The following CNTN1 variants were observed in gnomAD, a reference collection of about 807,000 sequenced individuals.
The protein encoded by CNTN1 is contactin-1.
Under a neutral mutation model 126.4 loss-of-function variants are expected in CNTN1, and 38 were observed. That is an observed-to-expected ratio of 0.30 (90% CI 0.23 to 0.39). The LOEUF (loss-of-function observed/expected upper bound fraction) is 0.39. Ranked by LOEUF, CNTN1 falls within the 10% of genes least tolerant of loss-of-function variation. The probability of loss-of-function intolerance (pLI) is 1.00; values close to 1 mark genes in which losing one functional copy is unlikely to be tolerated. For missense variants in CNTN1, 1,009 were observed against 1,248.4 expected (o/e 0.81, Z 2.89); for synonymous variants, 413 against 422.6 (o/e 0.98, Z 0.28).
intron 1 of CNTN1, among the ~76,000 whole-genome samples, chr12:40,839,636 A>G (rs1358633990): frequency 6.6e-6 from 1 of 152,188 alleles, no homozygotes; most frequent in Non-Finnish European, 1.5e-5. Context: ...TCAGTGCTGA[A>G]AAAATGTCAG....
chr12:40,878,633 G>A (rs1943761352), intron 1 of CNTN1, among the ~76,000 whole-genome samples: 2 of 152,158 alleles, frequency 1.3e-5, no homozygotes, highest in African/African-American at 2.4e-5. Context: ...TACTGAACTA[G>A]TAGCTGCAAA....
At chr12:40,694,055 CAAAT>C (rs1311720567) in intron 1 of CNTN1, among the ~76,000 whole-genome samples, 3 of 152,106 alleles carry the variant, frequency 2.0e-5, no homozygotes, top group African/African-American at 7.2e-5. Flanking sequence ...TAACGCAAAT[CAAAT>C]TAATACATGC....
chr12:40,996,995 A>G (rs11179369), intron 17 of CNTN1, among the ~76,000 whole-genome samples: 15,602 of 152,260 alleles, frequency 0.1, 914 homozygotes, highest in Non-Finnish European at 0.13. Flanking sequence ...ATTGAAAGAC[A>G]TGACATTATC....
chr12:40,806,530 A>G (rs1364853264), intron 1 of CNTN1, among the ~76,000 whole-genome samples: 1 of 152,130 alleles, frequency 6.6e-6, no homozygotes, highest in Non-Finnish European at 1.5e-5. Context: ...ACAGTTCCCA[A>G]TCATTTCCCA....
chr12:40,713,051 A>G (rs1483661945), intron 1 of CNTN1, among the ~76,000 whole-genome samples: 5 of 152,214 alleles, frequency 3.3e-5, no homozygotes, highest in Middle Eastern at 3.4e-3. Context: ...GTAATGTATA[A>G]AGAAAAGAGG....
At chr12:40,975,643 G>C (rs530664877) in intron 15 of CNTN1, among the ~76,000 whole-genome samples, 3 of 152,194 alleles carry the variant, frequency 2.0e-5, no homozygotes, top group African/African-American at 7.2e-5. Flanking sequence ...AATATAATGG[G>C]TGCAAAACAA....
intron 19 of CNTN1, 109 bp from the exon 20 acceptor site, chr12:41,020,228 C>A: frequency 1.1e-5 from 7 of 654,368 alleles, no homozygotes; most frequent in African/African-American, 1.8e-5. Flanking sequence ...ATTTTAGAAA[C>A]ATTAAAATTA....
intron 1 of CNTN1, among the ~76,000 whole-genome samples, chr12:40,901,292 G>A (rs1427312570): frequency 6.6e-6 from 1 of 152,220 alleles, no homozygotes; most frequent in East Asian, 1.9e-4. Flanking sequence ...TCATAAAAAG[G>A]ATTTTTTATA....
intron 16 of CNTN1, among the ~76,000 whole-genome samples, chr12:40,988,497 A>G (rs1948021173): frequency 6.6e-6 from 1 of 152,124 alleles, no homozygotes; most frequent in Non-Finnish European, 1.5e-5. Context: ...CAAACAATTA[A>G]TCAGTGTGCT....
At chr12:40,748,764 A>G (rs1938282019) in intron 1 of CNTN1, among the ~76,000 whole-genome samples, 1 of 152,064 alleles carries the variant, frequency 6.6e-6, no homozygotes, top group Non-Finnish European at 1.5e-5. Flanking sequence ...TTAATTAATG[A>G]TTTGTCTATG....
intron 16 of CNTN1, among the ~76,000 whole-genome samples, chr12:40,984,066 T>C (rs1056612123): frequency 1.3e-5 from 2 of 149,476 alleles, no homozygotes; most frequent in African/African-American, 4.9e-5. Flanking sequence ...AAGAGGAAGA[T>C]GAAATAAAGC....
At chr12:40,722,521 A>G (rs1332940642) in intron 1 of CNTN1, among the ~76,000 whole-genome samples, 2 of 152,174 alleles carry the variant, frequency 1.3e-5, no homozygotes, top group Non-Finnish European at 2.9e-5. Flanking sequence ...TAGTTTATTG[A>G]GATTCGTGAC....
At chr12:40,914,264 A>G (rs1412052214) in intron 3 of CNTN1, among the ~76,000 whole-genome samples, 1 of 152,134 alleles carries the variant, frequency 6.6e-6, no homozygotes, top group Non-Finnish European at 1.5e-5. Flanking sequence ...TGAGCTTTGT[A>G]TTGAAATATC....
At chr12:40,712,805 G>A (rs1331162430) in intron 1 of CNTN1, among the ~76,000 whole-genome samples, 1 of 152,018 alleles carries the variant, frequency 6.6e-6, no homozygotes, top group African/African-American at 2.4e-5. Flanking sequence ...TCGTTTGGAT[G>A]TTTGTTCCCC....
rs563917862 is a variant in CNTN1, at chr12:41,001,003, T to A, written c.2113+7734T>A. On this transcript the variant is annotated intron_variant, in intron 17 of 23. Coordinates refer to ENST00000551295, the MANE Select transcript of CNTN1 (RefSeq NM_001843.4). The stretch of plus-strand genomic sequence containing the variant: ...GCTGCATAGTATTCCATGGTGTATA[T>A]GTACCACATTTTCTTTATGCAGTCT... Among the ~76,000 whole-genome samples the A allele has an allele frequency of 1.1e-3, 166 of 152,354 alleles. 1 individual carries two copies. The highest frequency in any genetic ancestry group is 3.8e-3 in the African/African-American group (156 of 41,584).
chr12:41,053,989 T>G (rs1340097053), intron 23 of CNTN1, among the ~76,000 whole-genome samples: 2 of 151,820 alleles, frequency 1.3e-5, no homozygotes, highest in African/African-American at 4.8e-5. Context: ...ATCAATATTC[T>G]ATAAGCCAGA....
At position 40,975,178 on chromosome 12, in the gene CNTN1, T is replaced by TTATATATA. The variant is rs58939653; in HGVS notation, c.1805-5693_1805-5686dup. On this transcript the variant is annotated intron_variant, in intron 15 of 23. Transcript: ENST00000551295. ...CTTCGGTGTCCTTTTGTAAAATGGA[T>TTATATATA]TATATATATATATATATATATATAT... is the stretch of plus-strand genomic sequence containing the variant. Among the ~76,000 whole-genome samples, 333 of 48,148 alleles carry TTATATATA rather than the reference T, an allele frequency of 6.9e-3. 1 individual carries two copies. The highest frequency in any genetic ancestry group is 9.0e-3 in the African/African-American group (127 of 14,042). 31.6% of individuals were successfully genotyped at this position (48,148 alleles called of 152,430 possible).
intron 1 of CNTN1, among the ~76,000 whole-genome samples, chr12:40,837,978 A>G (rs749016525): frequency 6.6e-6 from 1 of 152,130 alleles, no homozygotes; most frequent in Non-Finnish European, 1.5e-5. Context: ...CTCCAATGGC[A>G]GGGTCTCAGT....
chr12:40,977,776 G>T (rs777590945), intron 15 of CNTN1, among the ~76,000 whole-genome samples: 5 of 16,862 alleles, frequency 3.0e-4, no homozygotes, highest in African/African-American at 1.5e-3. Flanking sequence ...GTTTTGTTTT[G>T]TTTTGTTTTG....
Sources: allele counts gnomAD v4.1 joint callset (sites outside exome capture counted in the v4.1 genomes callset), GRCh38; gene constraint gnomAD v4.1.1; transcripts MANE v1.5; gene names NCBI Gene and HGNC (gene_info 2026-07-23, HGNC 2026-07-21).